MTUS2: variants seen among roughly 807,000 people sequenced by gnomAD.
MTUS2 encodes microtubule associated scaffold protein 2.
Under a neutral mutation model 114.1 loss-of-function variants are expected in MTUS2, and 40 were observed. That is an observed-to-expected ratio of 0.35 (90% CI 0.27 to 0.46). The LOEUF (loss-of-function observed/expected upper bound fraction) is 0.46, where lower values mean the gene tolerates loss of function less well. MTUS2 is among the 20% of genes least tolerant of loss of function. The pLI is 1.00. For synonymous variants in MTUS2, 688 were observed against 672.0 expected, an observed-to-expected ratio of 1.02 and a Z score of -0.37; for missense variants, 1,679 against 1,705.4, an observed-to-expected ratio of 0.98 and a Z score of 0.27.
chr13:29,091,230 C>T (rs543089210), intron 4 of MTUS2, among the ~76,000 whole-genome samples: 4 of 152,256 alleles, frequency 2.6e-5, no homozygotes, highest in African/African-American at 4.8e-5. Flanking sequence ...GTCAGCCATC[C>T]TGCCCCTTTC....
intron 8 of MTUS2, among the ~76,000 whole-genome samples, chr13:29,430,093 G>A (rs1876876750): frequency 6.6e-6 from 1 of 152,176 alleles, no homozygotes; most frequent in African/African-American, 2.4e-5. Flanking sequence ...TCAATTGTCT[G>A]CACATCTAAC....
chr13:29,074,388 C>T (rs142843625), intron 4 of MTUS2, among the ~76,000 whole-genome samples: 8 of 152,272 alleles, frequency 5.3e-5, no homozygotes, highest in Middle Eastern at 3.4e-3. Context: ...TCCATGCCTC[C>T]GTCATGCCAC....
intron 2 of MTUS2, among the ~76,000 whole-genome samples, chr13:28,928,544 C>A (rs1055868826): frequency 6.6e-6 from 1 of 152,010 alleles, no homozygotes; most frequent in Non-Finnish European, 1.5e-5. Flanking sequence ...AATCGAAACC[C>A]CAATGAGGTA....
intron 5 of MTUS2, among the ~76,000 whole-genome samples, chr13:29,167,671 C>A (rs560174289): frequency 6.6e-6 from 1 of 151,972 alleles, no homozygotes; most frequent in Non-Finnish European, 1.5e-5. Flanking sequence ...TTGAGCATCC[C>A]AAGTTTGAAA....
Position 29,123,943 on chromosome 13 carries a change from C to G in MTUS2, c.2644+22973C>G, listed in dbSNP as rs913143037. ...GGTATTGTCCAGCCAGGTAAGTGGA[C>G]TCTGTGACTCTAGTTGCTTAGGTCA... is the stretch of plus-strand genomic sequence containing the variant. On this transcript the variant is annotated intron_variant, in intron 5 of 15. Transcript: ENST00000612955. 2.6e-5 allele frequency among the ~76,000 whole-genome samples: 4 copies of G among 152,266 alleles called. No homozygotes were observed. The South Asian group carries it at 8.3e-4, about 32-fold the overall frequency.
In MTUS2 at chr13:29,377,867, A is replaced by G. The variant is rs1335341473; in HGVS notation, c.3117+18394A>G. ...TGGTCAATGAAACTGATAAACCTAT[A>G]GTAAGACTGACAAAGAAAGAAAAAG... On this transcript the variant is annotated intron_variant, in intron 8 of 15. Transcript: ENST00000612955. Among the ~76,000 whole-genome samples the G allele has an allele frequency of 2.6e-5, 4 of 152,216 alleles. No homozygotes were observed. In the East Asian group the frequency reaches 7.7e-4, roughly 29 times the overall value.
chr13:29,091,753 T>G (rs534911637), intron 4 of MTUS2, among the ~76,000 whole-genome samples: 7 of 152,344 alleles, frequency 4.6e-5, no homozygotes, highest in African/African-American at 1.7e-4. Context: ...CCCAATCTCA[T>G]AATCTTATTC....
At chr13:29,295,102 C>T (rs564714445) in intron 6 of MTUS2, among the ~76,000 whole-genome samples, 3 of 151,308 alleles carry the variant, frequency 2.0e-5, no homozygotes, top group Admixed American at 6.6e-5. Context: ...TTGAAAATAA[C>T]GTATTGACTG....
intron 7 of MTUS2, among the ~76,000 whole-genome samples, chr13:29,343,223 A>G (rs1005957680): frequency 5.9e-5 from 9 of 152,106 alleles, no homozygotes; most frequent in East Asian, 1.9e-4. Context: ...TAGTGTCAAT[A>G]GGATTGGTAC....
intron 1 of MTUS2, among the ~76,000 whole-genome samples, chr13:28,832,284 A>G (rs1003268593): frequency 6.6e-6 from 1 of 152,208 alleles, no homozygotes; most frequent in African/African-American, 2.4e-5. Context: ...ATAAGTTTCA[A>G]TGAATTTAAA....
chr13:29,490,852 G>A (rs1166529200), intron 11 of MTUS2, among the ~76,000 whole-genome samples: 1 of 152,276 alleles, frequency 6.6e-6, no homozygotes, highest in Non-Finnish European at 1.5e-5. Context: ...GATCCTGGGA[G>A]GGGAAGAAAA....
intron 7 of MTUS2, among the ~76,000 whole-genome samples, chr13:29,332,650 T>C (rs1351884957): frequency 1.5e-5 from 2 of 130,916 alleles, no homozygotes; most frequent in Non-Finnish European, 3.2e-5. Flanking sequence ...TTTTTTTTTT[T>C]CGGACACAGA....
chr13:29,324,303 A>C (rs1222770436), intron 6 of MTUS2, among the ~76,000 whole-genome samples: 3 of 152,166 alleles, frequency 2.0e-5, no homozygotes, highest in Non-Finnish European at 4.4e-5. Flanking sequence ...GTAAAATTTT[A>C]ATTCCCAGAT....
intron 8 of MTUS2, among the ~76,000 whole-genome samples, chr13:29,390,551 G>C (rs1488634452): frequency 6.6e-6 from 1 of 151,100 alleles, no homozygotes; most frequent in Non-Finnish European, 1.5e-5. Flanking sequence ...TACCCAGGAG[G>C]CTGAGGCAGG....
At chr13:28,960,175 A>G (rs1445058243) in intron 2 of MTUS2, among the ~76,000 whole-genome samples, 1 of 152,244 alleles carries the variant, frequency 6.6e-6, no homozygotes, top group Admixed American at 6.5e-5. Flanking sequence ...CAAAACCACA[A>G]TTAAATACCA....
chr13:29,017,057 G>T (rs1052864342), intron 2 of MTUS2, among the ~76,000 whole-genome samples: 5 of 152,110 alleles, frequency 3.3e-5, no homozygotes, highest in African/African-American at 1.2e-4. Context: ...AAACATGGAG[G>T]TATTATTACC....
chr13:29,438,594 A>C (rs1401055228), intron 8 of MTUS2, among the ~76,000 whole-genome samples: 1 of 152,018 alleles, frequency 6.6e-6, no homozygotes, highest in Non-Finnish European at 1.5e-5. Flanking sequence ...TGACCTGATC[A>C]CTTCCCAGAA....
intron 5 of MTUS2, among the ~76,000 whole-genome samples, chr13:29,112,987 A>T (rs1195533789): frequency 6.6e-6 from 1 of 152,212 alleles, no homozygotes; most frequent in East Asian, 1.9e-4. Flanking sequence ...GGGGAATTGC[A>T]GAGTTGCACA....
At chr13:28,920,435 C>T (rs1444059425) in intron 2 of MTUS2, among the ~76,000 whole-genome samples, 1 of 152,122 alleles carries the variant, frequency 6.6e-6, no homozygotes, top group Non-Finnish European at 1.5e-5. Context: ...TGATGAGTCA[C>T]CTGGAACTAG....
Sources: gnomAD v4.1 joint callset for allele counts (sites outside exome capture counted in the v4.1 genomes callset) on GRCh38, gnomAD v4.1.1 for gene constraint, MANE v1.5 for transcripts, NCBI Gene and HGNC (gene_info 2026-07-23, HGNC 2026-07-21) for gene names.